Variants in TRIM6 observed in about 807,000 individuals in gnomAD.
The protein encoded by TRIM6 is tripartite motif containing 6, also known as tripartite motif-containing protein 6.
In TRIM6, 43 loss-of-function variants were observed where a neutral mutation model predicts 51.2. The observed-to-expected ratio is 0.84, with a 90% confidence interval of 0.66 to 1.08. The LOEUF is 1.08. TRIM6 is among the 50% of genes least tolerant of loss of function. The probability of loss-of-function intolerance (pLI) is 0.00; values close to 1 mark genes in which losing one functional copy is unlikely to be tolerated. For synonymous variants in TRIM6, 215 were observed against 232.4 expected, an observed-to-expected ratio of 0.93 and a Z score of 0.68; for missense variants, 669 against 619.0, an observed-to-expected ratio of 1.08 and a Z score of -0.86.
intron 2 of TRIM6, among the ~76,000 whole-genome samples, chr11:5,604,271 C>T (rs1355903803): frequency 1.3e-5 from 2 of 152,162 alleles, no homozygotes; most frequent in African/African-American, 4.8e-5. Flanking sequence ...GCCTCAGCCT[C>T]CCAAAGTGCT....
rs1000373977 is a variant in TRIM6, at chr11:5,603,422, C to T, written c.194C>T (p.Ala65Val). 8.1e-6 allele frequency: 13 copies of T among 1,614,060 alleles called. No homozygotes were observed. In the Admixed American group the frequency reaches 1.3e-4, roughly 17 times the overall value. Residue 65 changes from alanine to valine, a missense_variant, in exon 2 of 8, where the codon GCC becomes GTC. By Grantham distance (64) the Ala-to-Val change is moderately conservative (BLOSUM62 0). Transcript: ENST00000380097. ...GACTGTGGCCACAGCTTCTGCCAAG[C>T]CTGCATCACACCAAATGGCAGGGAA... Reference protein sequence around the residue: ...SIDCGHSFCQACITPNGRESV... With the variant: ...SIDCGHSFCQVCITPNGRESV...
intron 4 of TRIM6, among the ~76,000 whole-genome samples, chr11:5,608,125 C>T (rs1049938410): frequency 4.6e-5 from 7 of 152,232 alleles, no homozygotes; most frequent in African/African-American, 1.7e-4. Context: ...CATAACATTA[C>T]ACACACATAT....
Position 5,603,564 on chromosome 11 carries a change from A to C in TRIM6, c.336A>C (p.Val112=), listed in dbSNP as rs1848003960. 1 of 1,613,812 alleles carries C rather than the reference A, an allele frequency of 6.2e-7. No homozygotes were observed. The highest frequency in any genetic ancestry group is 8.5e-7 in the Non-Finnish European group (1 of 1,180,010). The change falls in exon 2 of 8, where the codon GTA becomes GTC. Residue 112 remains valine, a synonymous_variant. Coordinates refer to ENST00000380097, the MANE Select transcript of TRIM6 (RefSeq NM_001003818.3). ...ACATAGTGAGGCGGCTCAGAGAGGT[A>C]GTGTTGGGCCCTGGGAAGCAGCTGA... The part of the protein sequence containing the change: ...LANIVRRLRE[V]VLGPGKQLKA...
At chr11:5,596,485 G>C (rs901763669), upstream of TRIM6, among the ~76,000 whole-genome samples, 3 of 139,394 alleles carry the variant, frequency 2.2e-5, no homozygotes, top group African/African-American at 5.2e-5. Flanking sequence ...TGGATTCAGA[G>C]TCAGCATCCC....
intron 3 of TRIM6, 87 bp downstream of exon 3, chr11:5,604,716 T>C: frequency 7.3e-7 from 1 of 1,366,794 alleles, no homozygotes; most frequent in Non-Finnish European, 9.9e-7. Context: ...TTGTCCTGTC[T>C]GTCCTCTGAT....
chr11:5,602,911 A>G (rs11602842), intron 1 of TRIM6, among the ~76,000 whole-genome samples: 25,127 of 151,750 alleles, frequency 0.17, 2,173 homozygotes, highest in South Asian at 0.2. Flanking sequence ...CTGAGATTGT[A>G]CCACTGCATT....
chr11:5,606,925 C>G (rs1180970134), intron 4 of TRIM6, among the ~76,000 whole-genome samples: 1 of 151,944 alleles, frequency 6.6e-6, no homozygotes, highest in East Asian at 1.9e-4. Context: ...TAGCCAAGGC[C>G]GAGCGCGGTG....
At chr11:5,608,040 T>C (rs759692511) in intron 4 of TRIM6, among the ~76,000 whole-genome samples, 6 of 152,188 alleles carry the variant, frequency 3.9e-5, no homozygotes, top group Non-Finnish European at 5.9e-5. Context: ...TACTCAAGGA[T>C]AGAAATTATG....
intron 1 of TRIM6, among the ~76,000 whole-genome samples, chr11:5,601,434 A>G (rs4910823): frequency 0.61 from 93,028 of 152,074 alleles, 31,657 homozygotes; most frequent in Non-Finnish European, 0.76. Context: ...CTAAATCACA[A>G]CTGGTTACAG....
chr11:5,604,643 T>C lies in TRIM6; in HGVS notation c.603+14T>C. The C allele has an allele frequency of 6.2e-7, 1 of 1,608,232 alleles. No individual in the cohort carries two copies. Among genetic ancestry groups the C allele is most frequent in the Non-Finnish European group, 8.5e-7 (1 of 1,177,624 alleles). ...ACATCCTGGAAGGCAAGGGAGACTTTTTCTGAAGATGTCCTGGGGCAGGAA... is the reference window on the plus strand; with the variant it reads ...ACATCCTGGAAGGCAAGGGAGACTTCTTCTGAAGATGTCCTGGGGCAGGAA... On this transcript the variant is annotated intron_variant, in intron 3 of 7. Coordinates refer to ENST00000380097, the MANE Select transcript of TRIM6 (RefSeq NM_001003818.3).
chr11:5,603,135 C>T lies in TRIM6; in HGVS notation c.18-111C>T, dbSNP rs1847969111. On this transcript the variant is annotated intron_variant, in intron 1 of 7. Transcript: ENST00000380097. ...ACGTATTGGATATGAGAATGAGAAG[C>T]CCTTGTTACCCCAGGTGTCTGACCT... is the stretch of plus-strand genomic sequence containing the variant. 5.3e-6 allele frequency: 8 copies of T among 1,495,856 alleles called. No individual in the cohort carries two copies. The East Asian group carries it at 1.8e-4, about 34-fold the overall frequency. The allele number at this position is 1,495,856 out of a possible 1,614,324, so 92.7% of individuals were successfully genotyped here.
intron 7 of TRIM6, 40 bp downstream of exon 7, chr11:5,610,601 G>C (rs1430041006): frequency 1.2e-6 from 2 of 1,601,678 alleles, no homozygotes; most frequent in African/African-American, 1.3e-5. Flanking sequence ...GGCACATTCT[G>C]ATCTCCTTTC....
rs1270551826 is a variant in TRIM6, at chr11:5,612,101, T to G, written c.*759T>G. 1.3e-5 allele frequency: 2 copies of G among 152,242 alleles called. No homozygotes were observed. The highest frequency in any genetic ancestry group is 2.9e-5 in the Non-Finnish European group (2 of 68,046). 9.4% of individuals were successfully genotyped at this position (152,242 alleles called of 1,614,324 possible). A position where few individuals can be genotyped will look rare whatever the true frequency, so the allele number is the denominator to read the frequency against. On this transcript the variant is annotated 3_prime_UTR_variant, in exon 8 of 8. Transcript: ENST00000380097. ...CACAACTTGCTGAAATACACCATTA[T>G]TATTTGTTGTATGCAATACTGGATT...
At chr11:5,603,214 C>G (rs917561647) in intron 1 of TRIM6, 32 bp from the exon 2 acceptor site, 2 of 1,597,504 alleles carry the variant, frequency 1.3e-6, no homozygotes, top group Admixed American at 3.4e-5. Context: ...CTTTCTTACC[C>G]TGATCCTTTT....
At chr11:5,599,504 C>T (rs988638951) in intron 1 of TRIM6, among the ~76,000 whole-genome samples, 5 of 152,056 alleles carry the variant, frequency 3.3e-5, no homozygotes, top group Non-Finnish European at 4.4e-5. Context: ...TCCGGGTTCA[C>T]GCCATTCTCC....
chr11:5,605,675 AT>A, intron 4 of TRIM6, 108 bp downstream of exon 4: 1 of 1,344,660 alleles, frequency 7.4e-7, no homozygotes, highest in Non-Finnish European at 9.9e-7. Flanking sequence ...AAGAGAAAAC[AT>A]TCCTTTGGCG....
At position 5,603,586 on chromosome 11, in the gene TRIM6, C is replaced by G. The variant is rs1372776098; in HGVS notation, c.358C>G (p.Leu120Val). The G allele has an allele frequency of 1.2e-6, 2 of 1,613,852 alleles. No homozygotes were observed. Among genetic ancestry groups the G allele is most frequent in the Admixed American group, 3.3e-5 (2 of 59,976 alleles). The change falls in exon 2 of 8, where the codon CTG becomes GTG. Residue 120 changes from leucine (L) to valine (V), a missense_variant. Transcript: ENST00000380097. Reference protein sequence around the residue: ...REVVLGPGKQLKAVLCADHGE... With the variant: ...REVVLGPGKQVKAVLCADHGE... ...GGTAGTGTTGGGCCCTGGGAAGCAG[C>G]TGAAAGCAGTTCTTTGTGCAGACCA... is the stretch of plus-strand genomic sequence containing the variant.
At chr11:5,604,161 A>G (rs1251886887) in intron 2 of TRIM6, among the ~76,000 whole-genome samples, 1 of 149,564 alleles carries the variant, frequency 6.7e-6, no homozygotes, top group African/African-American at 2.5e-5. Context: ...TGCCCAGCTA[A>G]TTGTGTGTGT....
chr11:5,605,204 G>A (rs1248336292), intron 3 of TRIM6, 133 bp from the exon 4 acceptor site: 3 of 1,198,346 alleles, frequency 2.5e-6, no homozygotes, highest in Non-Finnish European at 1.2e-6. Context: ...GCTTTCTCCT[G>A]CAGCATTTAC....
Sources: gnomAD v4.1 joint callset for allele counts (sites outside exome capture counted in the v4.1 genomes callset) on GRCh38, gnomAD v4.1.1 for gene constraint, MANE v1.5 for transcripts, NCBI Gene and HGNC (gene_info 2026-07-23, HGNC 2026-07-21) for gene names.